The following SH3YL1 variants were observed in gnomAD, a reference collection of about 807,000 sequenced individuals.
The protein encoded by SH3YL1 is SH3 and SYLF domain containing 1.
SH3YL1 carries 41 observed loss-of-function variants against 45.8 expected under a neutral mutation model. The observed-to-expected ratio is 0.89, with a 90% CI of 0.70 to 1.16. SH3YL1 has a LOEUF of 1.16. Ranked by LOEUF, SH3YL1 falls within the 50% of genes most tolerant of loss-of-function variation. The pLI is 0.00. For missense variants in SH3YL1, 389 were observed against 409.6 expected (o/e 0.95, Z 0.43); for synonymous variants, 152 against 151.4 (o/e 1.00, Z -0.03).
At chr2:226,824 G>A (rs943144014) in intron 8 of SH3YL1, among the ~76,000 whole-genome samples, 9 of 151,850 alleles carry the variant, frequency 5.9e-5, no homozygotes, top group Non-Finnish European at 1.2e-4. Flanking sequence ...ACATATACTG[G>A]GGAGTATATA....
At chr2:229,893 C>G (rs1020822991) in intron 8 of SH3YL1, 73 bp downstream of exon 8, 1 of 1,231,080 alleles carries the variant, frequency 8.1e-7, no homozygotes, top group Non-Finnish European at 1.2e-6. Context: ...AACAATGTAT[C>G]TTGATTTCTT....
At chr2:231,290 T>C (rs954706692) in intron 6 of SH3YL1, 99 bp from the exon 7 acceptor site, 1 of 878,178 alleles carries the variant, frequency 1.1e-6, no homozygotes, top group Non-Finnish European at 1.7e-6. Flanking sequence ...TATATAATCA[T>C]TCATACATAG....
At chr2:239,407 G>C (rs1188579219) in intron 4 of SH3YL1, among the ~76,000 whole-genome samples, 1 of 152,136 alleles carries the variant, frequency 6.6e-6, no homozygotes, top group East Asian at 1.9e-4. Context: ...TGCAGCACTG[G>C]ATACACCACG....
chr2:244,518 A>G (rs947206451), intron 4 of SH3YL1: 45 of 151,006 alleles, frequency 3.0e-4, no homozygotes, highest in African/African-American at 1.1e-3. Flanking sequence ...GAAAGAAAGA[A>G]AGAAAAGAAA....
At chr2:259,146 T>C (rs1669481945) in intron 1 of SH3YL1, among the ~76,000 whole-genome samples, 1 of 152,072 alleles carries the variant, frequency 6.6e-6, no homozygotes, top group African/African-American at 2.4e-5. Flanking sequence ...ATGTCCACCA[T>C]GTGCAAAAAG....
At chr2:245,323 T>C (rs904735666) in intron 4 of SH3YL1, among the ~76,000 whole-genome samples, 2 of 152,196 alleles carry the variant, frequency 1.3e-5, no homozygotes, top group African/African-American at 4.8e-5. Context: ...TAAAAGTTAA[T>C]AGTTATGTTA....
intron 1 of SH3YL1, chr2:256,448 T>C (rs1669335271): frequency 6.6e-6 from 1 of 152,216 alleles, no homozygotes; most frequent in Non-Finnish European, 1.5e-5. Flanking sequence ...TCCCAGCAAT[T>C]TGGGAGGCCG....
Position 218,422 on chromosome 2 carries a change from T to C in SH3YL1, c.*389A>G, listed in dbSNP as rs956344546. On this transcript the variant is annotated 3_prime_UTR_variant, in exon 10 of 10. Transcript: ENST00000356150. ...TTACTTAATACCTCATTTAAGCTGA[T>C]TTCTTTTTCTCTAGTCACTTTGCAA... The C allele has an allele frequency of 6.2e-6, 1 of 162,144 alleles. No homozygotes were observed. Among genetic ancestry groups the C allele is most frequent in the Non-Finnish European group, 1.3e-5 (1 of 75,142 alleles). 10.0% of individuals were successfully genotyped at this position (162,144 alleles called of 1,614,324 possible).
At chr2:242,885 A>G in intron 4 of SH3YL1, 7 of 1,460,416 alleles carry the variant, frequency 4.8e-6, no homozygotes, top group Non-Finnish European at 6.3e-6. Flanking sequence ...TATATCAAAC[A>G]ACAAAAAATG....
In SH3YL1 at chr2:235,223, C is replaced by T. The variant is rs1435074554; in HGVS notation, c.292-951G>A. Reference sequence around the variant, plus strand: ...AAGAAGAAACTACAATGAGATTCAACTGAATGCTCAAGGCAGGTCAACACA... The same window carrying T: ...AAGAAGAAACTACAATGAGATTCAATTGAATGCTCAAGGCAGGTCAACACA... On this transcript the variant is annotated intron_variant, in intron 4 of 9. Coordinates refer to ENST00000356150, the MANE Select transcript of SH3YL1 (RefSeq NM_015677.4). Among the ~76,000 whole-genome samples, 3 of 152,274 alleles carry T rather than the reference C, an allele frequency of 2.0e-5. No homozygotes were observed. The East Asian group carries it at 5.8e-4, about 29-fold the overall frequency.
At chr2:264,777 AC>A, upstream of SH3YL1, 1 of 599,934 alleles carries the variant, frequency 1.7e-6, no homozygotes, top group Non-Finnish European at 2.8e-6. Flanking sequence ...CGCCCGTCCT[AC>A]TACCGTCATA....
chr2:242,910 C>G, intron 4 of SH3YL1: 2 of 1,276,434 alleles, frequency 1.6e-6, no homozygotes, highest in Non-Finnish European at 2.1e-6. Flanking sequence ...TAGGATTAAA[C>G]AGGGACATAT....
At chr2:253,295 T>C (rs1444904956) in intron 1 of SH3YL1, among the ~76,000 whole-genome samples, 180 bp from the exon 2 acceptor site, 5 of 152,284 alleles carry the variant, frequency 3.3e-5, no homozygotes, top group Non-Finnish European at 7.4e-5. Flanking sequence ...CCCAGAAGGT[T>C]AGGCATTCCA....
At chr2:259,531 G>C (rs956231643) in intron 1 of SH3YL1, 1 of 151,546 alleles carries the variant, frequency 6.6e-6, no homozygotes, top group Non-Finnish European at 1.5e-5. Context: ...AGTTCAAATG[G>C]GAAAATAAAC....
At position 218,714 on chromosome 2, in the gene SH3YL1, T is replaced by A; in HGVS notation, c.*97A>T. The A allele has an allele frequency of 9.0e-7, 1 of 1,113,786 alleles. No homozygotes were observed. Among genetic ancestry groups the A allele is most frequent in the Non-Finnish European group, 1.2e-6 (1 of 810,004 alleles). The allele number at this position is 1,113,786 out of a possible 1,614,324, so 69.0% of individuals were successfully genotyped here. ...GAATGGAAATTTTGTAGAACAGAAG[T>A]TTTTTAAAATTTATATTAAACATTG... On this transcript the variant is annotated 3_prime_UTR_variant, in exon 10 of 10. Coordinates refer to ENST00000356150, the MANE Select transcript of SH3YL1 (RefSeq NM_015677.4).
chr2:220,731 TTA>T (rs1377801500), intron 9 of SH3YL1, among the ~76,000 whole-genome samples: 2 of 152,192 alleles, frequency 1.3e-5, no homozygotes, highest in Non-Finnish European at 2.9e-5. Context: ...TTATTCATGA[TTA>T]TATTTAGGAT....
chr2:219,175 G>GCA (rs1377946614), intron 9 of SH3YL1, among the ~76,000 whole-genome samples, 174 bp from the exon 10 acceptor site: 1 of 152,088 alleles, frequency 6.6e-6, no homozygotes, highest in Non-Finnish European at 1.5e-5. Flanking sequence ...ATTTTTCTCT[G>GCA]CACATTCTAT....
In SH3YL1 at chr2:218,542, G is replaced by T; in HGVS notation, c.*269C>A. 1 of 298,240 alleles carries T rather than the reference G, an allele frequency of 3.4e-6. No individual in the cohort carries two copies. The allele number at this position is 298,240 out of a possible 1,614,324, so 18.5% of individuals were successfully genotyped here. ...TACATGGCCAGATCAAATGCTTAGC[G>T]ATGTTTGAAGTGTTCACAAGAGAAC... On this transcript the variant is annotated 3_prime_UTR_variant, in exon 10 of 10. Transcript: ENST00000356150.
intron 4 of SH3YL1, among the ~76,000 whole-genome samples, chr2:237,576 A>G (rs1013632375): frequency 2.0e-5 from 3 of 152,128 alleles, no homozygotes; most frequent in African/African-American, 4.8e-5. Flanking sequence ...ACTCAACTAC[A>G]TAACAGTCTG....
Sources: allele counts gnomAD v4.1 joint callset (sites outside exome capture counted in the v4.1 genomes callset), GRCh38; gene constraint gnomAD v4.1.1; transcripts MANE v1.5; gene names NCBI Gene and HGNC (gene_info 2026-07-23, HGNC 2026-07-21).